The following DOCK2 variants were observed in gnomAD, a reference collection of about 807,000 sequenced individuals.
The protein encoded by DOCK2 is dedicator of cytokinesis protein 2.
A neutral mutation model predicts 248.9 loss-of-function variants in DOCK2; 87 were observed. The ratio of observed to expected loss-of-function variants is 0.35; its 90% CI spans 0.29 to 0.42. DOCK2 has a LOEUF of 0.42. Ranked by LOEUF, DOCK2 falls within the 10% of genes least tolerant of loss-of-function variation. The probability of loss-of-function intolerance (pLI) is 1.00; values close to 1 mark genes in which losing one functional copy is unlikely to be tolerated. For missense variants in DOCK2, 1,747 were observed against 2,300.2 expected (o/e 0.76, Z 4.92); for synonymous variants, 805 against 821.6 (o/e 0.98, Z 0.35).
At chr5:169,834,705 C>T (rs536792410) in intron 26 of DOCK2, among the ~76,000 whole-genome samples, 3 of 151,932 alleles carry the variant, frequency 2.0e-5, no homozygotes, top group Admixed American at 6.6e-5. Flanking sequence ...AATGTCCCAA[C>T]CAGATCACCC....
At position 169,701,500 on chromosome 5, in the gene DOCK2, CT is replaced by C. The variant is rs565421921; in HGVS notation, c.1259-792del. Among the ~76,000 whole-genome samples, 469 of 146,186 alleles carry C rather than the reference CT, an allele frequency of 3.2e-3. 3 individuals carry two copies. The highest frequency in any genetic ancestry group is 8.2e-3 in the African/African-American group (330 of 40,058). On this transcript the variant is annotated intron_variant, in intron 13 of 51. Coordinates refer to ENST00000520908, the MANE Select transcript of DOCK2 (RefSeq NM_004946.3). ...TAACCCCTTGTAGGATTTTCTATTCCTTTTTTTTTTTCTTTTTGTTTTTTTG... is the reference window on the plus strand; with the variant it reads ...TAACCCCTTGTAGGATTTTCTATTCCTTTTTTTTTTCTTTTTGTTTTTTTG...
At chr5:169,747,954 A>T (rs991970290) in intron 23 of DOCK2, among the ~76,000 whole-genome samples, 1 of 152,238 alleles carries the variant, frequency 6.6e-6, no homozygotes, top group African/African-American at 2.4e-5. Context: ...AATCTTTGAG[A>T]AACTGTGAGG....
At chr5:169,649,891 C>T (rs1335599025) in intron 1 of DOCK2, among the ~76,000 whole-genome samples, 1 of 151,764 alleles carries the variant, frequency 6.6e-6, no homozygotes, top group Non-Finnish European at 1.5e-5. Context: ...GCAACCTCTG[C>T]CTCCCAGGTT....
At chr5:169,649,678 T>G (rs1294222710) in intron 1 of DOCK2, among the ~76,000 whole-genome samples, 1 of 152,244 alleles carries the variant, frequency 6.6e-6, no homozygotes, top group Non-Finnish European at 1.5e-5. Flanking sequence ...TCTGCCACTT[T>G]CTGTGTGGCT....
chr5:169,989,569 T>C (rs779214496), intron 29 of DOCK2, among the ~76,000 whole-genome samples: 38 of 152,168 alleles, frequency 2.5e-4, no homozygotes, highest in Non-Finnish European at 3.1e-4. Context: ...GGGGAAACAA[T>C]AAATATTCCC....
intron 27 of DOCK2, among the ~76,000 whole-genome samples, chr5:169,926,814 C>T (rs1561829977): frequency 6.6e-6 from 1 of 152,172 alleles, no homozygotes; most frequent in Non-Finnish European, 1.5e-5. Flanking sequence ...ATCTCAGGCA[C>T]TGCAGTGGAA....
At chr5:169,969,455 G>T (rs1055151796) in intron 27 of DOCK2, among the ~76,000 whole-genome samples, 3 of 151,728 alleles carry the variant, frequency 2.0e-5, no homozygotes, top group African/African-American at 7.3e-5. Flanking sequence ...AAAAAACAAA[G>T]AAAAAAGAAA....
chr5:169,753,006 A>AGTGAGCC (rs1763985818), intron 23 of DOCK2, among the ~76,000 whole-genome samples: 1 of 152,146 alleles, frequency 6.6e-6, no homozygotes, highest in African/African-American at 2.4e-5. Context: ...TGGAGGTTGC[A>AGTGAGCC]GTGAGCCGAG....
At chr5:169,872,673 C>T (rs570869252) in intron 27 of DOCK2, among the ~76,000 whole-genome samples, 1 of 152,112 alleles carries the variant, frequency 6.6e-6, no homozygotes, top group African/African-American at 2.4e-5. Flanking sequence ...GCATGTGAAA[C>T]CCTCAGAAAG....
chr5:169,781,791 C>A (rs1329921561), intron 25 of DOCK2, among the ~76,000 whole-genome samples: 1 of 152,190 alleles, frequency 6.6e-6, no homozygotes, highest in Non-Finnish European at 1.5e-5. Context: ...TCTCCCGCCC[C>A]CACAGAGAGG....
intron 27 of DOCK2, among the ~76,000 whole-genome samples, chr5:169,930,241 C>T (rs914780570): frequency 1.3e-5 from 2 of 152,148 alleles, no homozygotes; most frequent in African/African-American, 2.4e-5. Flanking sequence ...CCGCCTGCCT[C>T]GGCCTCCCAA....
At chr5:170,080,826 G>A (rs1758005456) in intron 50 of DOCK2, 1 of 155,278 alleles carries the variant, frequency 6.4e-6, no homozygotes, top group South Asian at 2.0e-4. Context: ...CCTAACAGGG[G>A]ACATGGCATG....
intron 25 of DOCK2, among the ~76,000 whole-genome samples, chr5:169,761,860 T>TAGGA (rs1764503876): frequency 6.6e-6 from 1 of 152,222 alleles, no homozygotes; most frequent in Admixed American, 6.5e-5. Context: ...TTGAGAAAGT[T>TAGGA]TAATGAGGTT....
At chr5:169,990,191 C>A (rs556408270) in intron 29 of DOCK2, among the ~76,000 whole-genome samples, 1 of 152,108 alleles carries the variant, frequency 6.6e-6, no homozygotes, top group Non-Finnish European at 1.5e-5. Flanking sequence ...CTCCACCTCC[C>A]AGATTCCGGT....
intron 1 of DOCK2, among the ~76,000 whole-genome samples, chr5:169,644,055 G>T (rs1757307692): frequency 6.6e-6 from 1 of 152,170 alleles, no homozygotes; most frequent in African/African-American, 2.4e-5. Flanking sequence ...CTGATGTGTG[G>T]GAGGCCAGTG....
intron 21 of DOCK2, 110 bp from the exon 22 acceptor site, chr5:169,718,547 C>T: frequency 3.4e-6 from 4 of 1,183,890 alleles, no homozygotes; most frequent in Non-Finnish European, 4.6e-6. Context: ...AGTAAGTGAG[C>T]TTGGCTCTAC....
intron 25 of DOCK2, among the ~76,000 whole-genome samples, chr5:169,773,859 C>T (rs1035929779): frequency 7.9e-5 from 12 of 152,102 alleles, no homozygotes; most frequent in East Asian, 7.7e-4. Context: ...ATAAGTCTCA[C>T]GAGATCTGAT....
intron 39 of DOCK2, among the ~76,000 whole-genome samples, chr5:170,046,858 C>T (rs871851): frequency 0.057 from 8,728 of 152,142 alleles, 546 homozygotes; most frequent in African/African-American, 0.15. Context: ...CACAGGCCCC[C>T]GTCTAGATCC....
chr5:169,990,703 A>G (rs73327877), intron 29 of DOCK2, among the ~76,000 whole-genome samples: 4,700 of 152,262 alleles, frequency 0.031, 246 homozygotes, highest in African/African-American at 0.097. Flanking sequence ...CAATGCTTTT[A>G]TCTTTAGTTC....
Sources: allele counts gnomAD v4.1 joint callset (sites outside exome capture counted in the v4.1 genomes callset), GRCh38; gene constraint gnomAD v4.1.1; transcripts MANE v1.5; gene names NCBI Gene and HGNC (gene_info 2026-07-23, HGNC 2026-07-21).